TMPRSS11F: variants seen among roughly 807,000 people sequenced by gnomAD.
The protein encoded by TMPRSS11F is transmembrane protease serine 11F.
In TMPRSS11F, 47 loss-of-function variants were observed where a neutral mutation model predicts 60.2. The ratio of observed to expected loss-of-function variants is 0.78; its 90% CI spans 0.62 to 1.00. The LOEUF (loss-of-function observed/expected upper bound fraction) is 1.00, where lower values mean the gene tolerates loss of function less well. TMPRSS11F is among the 50% of genes least tolerant of loss of function. The probability of loss-of-function intolerance (pLI) is 0.00; values close to 1 mark genes in which losing one functional copy is unlikely to be tolerated. For synonymous variants in TMPRSS11F, 166 were observed against 167.3 expected (o/e 0.99, Z 0.06); for missense variants, 519 against 522.9 (o/e 0.99, Z 0.07).
intron 2 of TMPRSS11F, among the ~76,000 whole-genome samples, chr4:68,091,194 C>T (rs1723923126): frequency 6.6e-6 from 1 of 152,104 alleles, no homozygotes; most frequent in African/African-American, 2.4e-5. Flanking sequence ...TAATGTCTTT[C>T]ATGGTTTTGT....
At chr4:68,074,993 A>T (rs975083429) in intron 3 of TMPRSS11F, among the ~76,000 whole-genome samples, 4 of 152,178 alleles carry the variant, frequency 2.6e-5, no homozygotes, top group Non-Finnish European at 4.4e-5. Flanking sequence ...TAAATAGATT[A>T]AAAAATTTTT....
intron 3 of TMPRSS11F, among the ~76,000 whole-genome samples, chr4:68,075,862 A>G (rs903878638): frequency 7.2e-5 from 11 of 151,882 alleles, no homozygotes; most frequent in African/African-American, 2.4e-4. Flanking sequence ...CCATGGTGGT[A>G]GGCGCCTGTA....
intron 1 of TMPRSS11F, among the ~76,000 whole-genome samples, chr4:68,126,002 A>G (rs1004633990): frequency 2.6e-5 from 4 of 152,220 alleles, no homozygotes; most frequent in Non-Finnish European, 5.9e-5. Flanking sequence ...AAAGAAATAA[A>G]GTGAATTAGC....
chr4:68,098,670 T>C (rs1466307139), intron 2 of TMPRSS11F, among the ~76,000 whole-genome samples: 3 of 152,212 alleles, frequency 2.0e-5, no homozygotes, highest in Non-Finnish European at 2.9e-5. Flanking sequence ...GTATTTCTTT[T>C]AGATACGTCT....
chr4:68,053,768 G>T lies in TMPRSS11F; in HGVS notation c.*141C>A. ...TCCTACGTATGTAAAGGCCACCTCA[G>T]GATATTAGATTTGTCTGGGTCTGAA... On this transcript the variant is annotated 3_prime_UTR_variant, in exon 10 of 10. Transcript: ENST00000356291. 1 of 774,822 alleles carries T rather than the reference G, an allele frequency of 1.3e-6. No homozygotes were observed. The allele number at this position is 774,822 out of a possible 1,614,324, so 48.0% of individuals were successfully genotyped here.
chr4:68,115,654 C>T (rs374339686), intron 1 of TMPRSS11F, among the ~76,000 whole-genome samples: 6 of 152,024 alleles, frequency 3.9e-5, no homozygotes, highest in South Asian at 2.1e-4. Flanking sequence ...AAGACTAATA[C>T]GTAAGTTTAC....
intron 1 of TMPRSS11F, among the ~76,000 whole-genome samples, chr4:68,102,308 C>T (rs557216864): frequency 2.6e-5 from 4 of 152,184 alleles, no homozygotes; most frequent in Non-Finnish European, 2.9e-5. Flanking sequence ...TACCAGATGA[C>T]GATTTCATTT....
At chr4:68,069,625 A>T (rs905629163) in intron 6 of TMPRSS11F, among the ~76,000 whole-genome samples, 9 of 93,738 alleles carry the variant, frequency 9.6e-5, no homozygotes, top group Non-Finnish European at 2.1e-4. Flanking sequence ...AAGCAAATTA[A>T]AAAAAAATTA....
rs553442749 is a variant in TMPRSS11F at position 68,105,442 on chromosome 4, TA to T, written c.12-6405del. On this transcript the variant is annotated intron_variant, in intron 1 of 9. Transcript: ENST00000356291. ...AAAATAAATACAAGTTGACTGGGTT[TA>T]ATTCTGGCTTTGCTACTATCAGCAA... Among the ~76,000 whole-genome samples the T allele has an allele frequency of 3.0e-3, 458 of 152,272 alleles. 5 individuals carry two copies. The highest frequency in any genetic ancestry group is 0.011 in the African/African-American group (439 of 41,578).
chr4:68,059,220 T>C (rs1268648022), intron 9 of TMPRSS11F, 106 bp downstream of exon 9: 1 of 1,137,942 alleles, frequency 8.8e-7, no homozygotes, highest in African/African-American at 1.5e-5. Context: ...CAGTTCTCGG[T>C]GTAAGAGATG....
intron 4 of TMPRSS11F, among the ~76,000 whole-genome samples, chr4:68,073,657 C>G (rs923409973): frequency 7.0e-6 from 1 of 142,456 alleles, no homozygotes; most frequent in Admixed American, 7.0e-5. Flanking sequence ...TCTACTTAGC[C>G]CCTAGCTTAA....
intron 1 of TMPRSS11F, among the ~76,000 whole-genome samples, chr4:68,114,734 C>T (rs1724481098): frequency 6.7e-6 from 1 of 149,786 alleles, no homozygotes; most frequent in African/African-American, 2.5e-5. Flanking sequence ...AAAAAAAAAT[C>T]AGATGAAAGC....
At chr4:68,058,786 G>T (rs1056590909) in intron 9 of TMPRSS11F, among the ~76,000 whole-genome samples, 1 of 152,122 alleles carries the variant, frequency 6.6e-6, no homozygotes, top group African/African-American at 2.4e-5. Flanking sequence ...AAAGCAAGGG[G>T]GAAACACTGG....
In TMPRSS11F at chr4:68,109,189, C is replaced by T. The variant is rs77763618; in HGVS notation, c.12-10151G>A. Among the ~76,000 whole-genome samples the T allele has an allele frequency of 1.2e-4, 18 of 152,200 alleles. No individual in the cohort carries two copies. The East Asian group carries it at 3.1e-3, about 26-fold the overall frequency. ...CAGTCAACAAGTTCTAATTGAGCAC[C>T]TACTATGTAACCTAACGCTATTCTA... On this transcript the variant is annotated intron_variant, in intron 1 of 9. Transcript: ENST00000356291.
At chr4:68,117,101 A>G (rs1724537055) in intron 1 of TMPRSS11F, among the ~76,000 whole-genome samples, 1 of 152,156 alleles carries the variant, frequency 6.6e-6, no homozygotes, top group South Asian at 2.1e-4. Flanking sequence ...TGTATTTGAT[A>G]AAAAGTTAAT....
intron 3 of TMPRSS11F, among the ~76,000 whole-genome samples, chr4:68,074,635 A>G (rs1723547570): frequency 6.6e-6 from 1 of 152,234 alleles, no homozygotes; most frequent in African/African-American, 2.4e-5. Flanking sequence ...GGATTTCACA[A>G]CTGGTACTAT....
At chr4:68,064,129 T>A (rs1457566232) in intron 8 of TMPRSS11F, among the ~76,000 whole-genome samples, 1 of 152,030 alleles carries the variant, frequency 6.6e-6, no homozygotes, top group Non-Finnish European at 1.5e-5. Flanking sequence ...GACTTTTTTT[T>A]TTTTTCCACC....
intron 5 of TMPRSS11F, among the ~76,000 whole-genome samples, chr4:68,071,786 A>T (rs1311428510): frequency 6.6e-6 from 1 of 152,168 alleles, no homozygotes; most frequent in Non-Finnish European, 1.5e-5. Context: ...AGTGATGAAA[A>T]ATAGTTTTAA....
chr4:68,117,148 CA>C (rs35238767), intron 1 of TMPRSS11F, among the ~76,000 whole-genome samples: 47,106 of 151,822 alleles, frequency 0.31, 7,455 homozygotes, highest in East Asian at 0.49. Context: ...AACTCAATAG[CA>C]AAAGACCAAA....
Sources: gnomAD v4.1 joint callset for allele counts (sites outside exome capture counted in the v4.1 genomes callset) on GRCh38, gnomAD v4.1.1 for gene constraint, MANE v1.5 for transcripts, NCBI Gene and HGNC (gene_info 2026-07-23, HGNC 2026-07-21) for gene names.